The following RUFY1 variants were observed in gnomAD, a reference collection of about 807,000 sequenced individuals.
The protein encoded by RUFY1 is RUN and FYVE domain-containing protein 1.
RUFY1 carries 54 observed loss-of-function variants against 94.6 expected under a neutral mutation model. The observed-to-expected ratio is 0.57, with a 90% CI of 0.46 to 0.72. The LOEUF (loss-of-function observed/expected upper bound fraction) is 0.72, where lower values mean the gene tolerates loss of function less well. Among genes scored for constraint, RUFY1 ranks in the 30% least tolerant of loss-of-function variants. The probability of loss-of-function intolerance (pLI) is 0.00; values close to 1 mark genes in which losing one functional copy is unlikely to be tolerated. For missense variants in RUFY1, 883 were observed against 883.9 expected, an observed-to-expected ratio of 1.00 and a Z score of 0.01; for synonymous variants, 396 against 347.3, an observed-to-expected ratio of 1.14 and a Z score of -1.56.
intron 1 of RUFY1, among the ~76,000 whole-genome samples, chr5:179,554,586 T>C (rs998444910): frequency 1.3e-4 from 20 of 151,966 alleles, no homozygotes; most frequent in Admixed American, 9.2e-4. Flanking sequence ...TGGTATGTGA[T>C]TGTATTGTCC....
chr5:179,583,596 T>G (rs939615420), intron 7 of RUFY1, among the ~76,000 whole-genome samples: 32 of 150,178 alleles, frequency 2.1e-4, no homozygotes, highest in Non-Finnish European at 3.6e-4. Flanking sequence ...TTTTGTATTT[T>G]TAGTAGAAAC....
intron 3 of RUFY1, among the ~76,000 whole-genome samples, chr5:179,563,240 G>A (rs763114220): frequency 7.2e-5 from 11 of 152,116 alleles, no homozygotes; most frequent in Non-Finnish European, 1.5e-4. Context: ...ACTGTTGAGC[G>A]TTTATTTGAC....
At chr5:179,559,905 C>T (rs1472909406) in intron 1 of RUFY1, 120 bp from the exon 2 acceptor site, 5 of 1,444,958 alleles carry the variant, frequency 3.5e-6, no homozygotes, top group South Asian at 1.5e-5. Flanking sequence ...CCCGCCAGCA[C>T]GTCCGTTCCC....
intron 4 of RUFY1, 164 bp from the exon 5 acceptor site, chr5:179,569,138 A>G: frequency 1.0e-6 from 1 of 985,128 alleles, no homozygotes; most frequent in African/African-American, 1.7e-5. Flanking sequence ...GACGGGAGAA[A>G]AAGCAGCCGT....
chr5:179,580,241 G>GTGTGTGTATATATATATATA (rs149099074), intron 6 of RUFY1, among the ~76,000 whole-genome samples: 1 of 93,850 alleles, frequency 1.1e-5, no homozygotes, highest in African/African-American at 3.5e-5. Context: ...GTGTGTGTGT[G>GTGTGTGTATATATATATATA]TATATTTTTT....
intron 11 of RUFY1, among the ~76,000 whole-genome samples, chr5:179,594,316 A>C (rs1765368072): frequency 6.6e-6 from 1 of 151,638 alleles, no homozygotes. Context: ...AAAAAAAAAA[A>C]AGTCATTTAG....
Position 179,550,641 on chromosome 5 carries a change from G to T in RUFY1, c.72G>T (p.Pro24=), listed in dbSNP as rs948106360. The change falls in exon 1 of 18, where the codon CCG becomes CCT. Residue 24 remains proline (P), a synonymous_variant. Coordinates refer to ENST00000319449, the MANE Select transcript of RUFY1 (RefSeq NM_025158.5). ...TGGAGCCGGAGCTGGAGCCGGGGCC[G>T]GGGCCCGGGTCAGCGCTTGAGCCGG... The part of the protein sequence containing the change: ...RELEPELEPG[P]GPGSALEPGE... 1 of 1,395,456 alleles carries T rather than the reference G, an allele frequency of 7.2e-7. No homozygotes were observed. The highest frequency in any genetic ancestry group is 1.4e-5 in the South Asian group (1 of 73,448). 86.4% of individuals were successfully genotyped at this position (1,395,456 alleles called of 1,614,324 possible). A position where few individuals can be genotyped will look rare whatever the true frequency, so the allele number is the denominator to read the frequency against.
At chr5:179,558,354 C>A (rs1171570864) in intron 1 of RUFY1, among the ~76,000 whole-genome samples, 1 of 152,166 alleles carries the variant, frequency 6.6e-6, no homozygotes, top group Non-Finnish European at 1.5e-5. Context: ...GGGCGGATCA[C>A]CTGAGGTTGG....
intron 3 of RUFY1, among the ~76,000 whole-genome samples, chr5:179,564,868 A>G (rs1762714163): frequency 6.6e-6 from 1 of 152,180 alleles, no homozygotes; most frequent in Non-Finnish European, 1.5e-5. Flanking sequence ...CTGTCCAATA[A>G]TGACACACTA....
chr5:179,584,618 C>A (rs1764448837), intron 7 of RUFY1, among the ~76,000 whole-genome samples: 1 of 151,586 alleles, frequency 6.6e-6, no homozygotes, highest in Non-Finnish European at 1.5e-5. Context: ...CTCACCTCTA[C>A]AAAAAAATAC....
chr5:179,605,859 C>T lies in RUFY1; in HGVS notation c.1857-17C>T, dbSNP rs1554125883. ...CTCTCTCTCACTGCTATGAAATGGC[C>T]TTTTTTTTTTCCTTAGGTCCAAGCT... On this transcript the variant is annotated splice_polypyrimidine_tract_variant and intron_variant, in intron 15 of 17. Transcript: ENST00000319449. The T allele has an allele frequency of 5.0e-6, 7 of 1,392,040 alleles. No individual in the cohort carries two copies. Among genetic ancestry groups the T allele is most frequent in the Non-Finnish European group, 6.9e-6 (7 of 1,011,458 alleles). 86.2% of individuals were successfully genotyped at this position (1,392,040 alleles called of 1,614,324 possible).
intron 5 of RUFY1, among the ~76,000 whole-genome samples, chr5:179,576,020 A>G (rs551166177): frequency 6.6e-6 from 1 of 152,250 alleles, no homozygotes; most frequent in East Asian, 1.9e-4. Flanking sequence ...AGCCCAAGCC[A>G]TCCACCCTCC....
intron 14 of RUFY1, among the ~76,000 whole-genome samples, chr5:179,601,549 A>G (rs1766395039): frequency 6.7e-6 from 1 of 149,952 alleles, no homozygotes; most frequent in African/African-American, 2.5e-5. Flanking sequence ...AGGCCAGTGC[A>G]GTGGCTCACG....
intron 3 of RUFY1, chr5:179,562,939 C>A (rs1178247093): frequency 1.5e-5 from 5 of 336,460 alleles, no homozygotes; most frequent in Non-Finnish European, 2.7e-5. Context: ...ACTACTGGTA[C>A]ACTCCTGGAA....
intron 1 of RUFY1, among the ~76,000 whole-genome samples, chr5:179,557,157 G>A (rs756335950): frequency 3.3e-5 from 5 of 152,146 alleles, no homozygotes; most frequent in Admixed American, 2.0e-4. Context: ...AGCCAGGCAC[G>A]GTGGCTCATG....
At chr5:179,551,273 G>A (rs1761831597) in intron 1 of RUFY1, among the ~76,000 whole-genome samples, 1 of 152,234 alleles carries the variant, frequency 6.6e-6, no homozygotes, top group South Asian at 2.1e-4. Flanking sequence ...TGCGCGCAGC[G>A]GACCAGCGGC....
intron 1 of RUFY1, among the ~76,000 whole-genome samples, chr5:179,554,558 G>C (rs1254294762): frequency 6.6e-6 from 1 of 151,750 alleles, no homozygotes; most frequent in African/African-American, 2.4e-5. Flanking sequence ...GAAAAGAAAA[G>C]TTTTCCCATG....
intron 1 of RUFY1, among the ~76,000 whole-genome samples, chr5:179,554,748 A>G (rs1762025433): frequency 6.6e-6 from 1 of 151,322 alleles, no homozygotes; most frequent in Non-Finnish European, 1.5e-5. Context: ...CGGGCGGATC[A>G]TTTGAGGTCA....
intron 6 of RUFY1, among the ~76,000 whole-genome samples, chr5:179,579,657 C>CTTCTTTTTTTTTTTTTTT (rs1433456916): frequency 1.2e-4 from 6 of 50,562 alleles, no homozygotes; most frequent in Non-Finnish European, 1.9e-4. Context: ...TTTTCTTCTT[C>CTTCTTTTTTTTTTTTTTT]TTTTTTTTTT....
Sources: gnomAD v4.1 joint callset for allele counts (sites outside exome capture counted in the v4.1 genomes callset) on GRCh38, gnomAD v4.1.1 for gene constraint, MANE v1.5 for transcripts, NCBI Gene and HGNC (gene_info 2026-07-23, HGNC 2026-07-21) for gene names.